Variants in RSPH10B observed in about 807,000 individuals in gnomAD.
RSPH10B encodes radial spoke head 10 homolog B (Chlamydomonas).
In RSPH10B, 7 loss-of-function variants were observed where a neutral mutation model predicts 52.5. The ratio of observed to expected loss-of-function variants is 0.13; its 90% confidence interval spans 0.08 to 0.25. The LOEUF is 0.25. Ranked by LOEUF, RSPH10B falls within the 10% of genes least tolerant of loss-of-function variation. The probability of loss-of-function intolerance (pLI) is 1.00; values close to 1 mark genes in which losing one functional copy is unlikely to be tolerated. For synonymous variants in RSPH10B, 28 were observed against 193.2 expected, an observed-to-expected ratio of 0.14 and a Z score of 7.09; for missense variants, 89 against 542.5, an observed-to-expected ratio of 0.16 and a Z score of 8.30.
intron 9 of RSPH10B, among the ~76,000 whole-genome samples, chr7:5,950,423 T>G (rs1780555135): frequency 6.7e-6 from 1 of 149,544 alleles, no homozygotes; most frequent in African/African-American, 2.4e-5. Flanking sequence ...ATACAAAATA[T>G]AGCTGGGGGT....
In RSPH10B at chr7:5,928,727, G is replaced by T. The variant is rs1443518792; in HGVS notation, c.2234-333C>A. On this transcript the variant is annotated intron_variant, in intron 17 of 18. Coordinates refer to ENST00000337579, the Ensembl canonical transcript of RSPH10B. ...GCTCACTGCAACCTCCACCTCCTGG[G>T]TTCAAGCGATTCTCATGCCTCAGCC... Among the ~76,000 whole-genome samples the T allele has an allele frequency of 1.3e-4, 20 of 150,184 alleles. No homozygotes were observed. In the East Asian group the frequency reaches 4.1e-3, roughly 31 times the overall value.
rs1228653690 is a variant in RSPH10B, at chr7:5,927,851, G to A, written c.2432+345C>T. 6.8e-5 allele frequency among the ~76,000 whole-genome samples: 10 copies of A among 146,594 alleles called. 1 individual carries two copies. Among genetic ancestry groups the A allele is most frequent in the African/African-American group, 1.5e-4 (6 of 39,344 alleles). ...CTCGGGAGGCTGAGGCAAGAGAATCGCTTGAACCCGGGAGGCGGAGGTTGC... is the reference window on the plus strand; with the variant it reads ...CTCGGGAGGCTGAGGCAAGAGAATCACTTGAACCCGGGAGGCGGAGGTTGC... On this transcript the variant is annotated intron_variant, in intron 18 of 18. Transcript: ENST00000337579.
intron 14 of RSPH10B, among the ~76,000 whole-genome samples, chr7:5,938,394 C>T (rs1480654100): frequency 1.6e-5 from 2 of 123,382 alleles, no homozygotes; most frequent in Non-Finnish European, 3.7e-5. Flanking sequence ...GGTGAAACTC[C>T]GTCTCTACTA....
intron 17 of RSPH10B, among the ~76,000 whole-genome samples, chr7:5,928,971 A>AATT (rs1779676988): frequency 6.9e-6 from 1 of 145,896 alleles, no homozygotes; most frequent in Non-Finnish European, 1.5e-5. Flanking sequence ...CTGATACTTT[A>AATT]ATTTTCCATG....
At chr7:5,931,492 A>T (rs571054965) in intron 17 of RSPH10B, among the ~76,000 whole-genome samples, 1 of 151,514 alleles carries the variant, frequency 6.6e-6, no homozygotes, top group East Asian at 1.9e-4. Context: ...TTGGGACACC[A>T]AGGCGGGAAG....
At position 5,940,037 on chromosome 7, in the gene RSPH10B, A is replaced by C. The variant is rs981004924; in HGVS notation, c.1759-1208T>G. On this transcript the variant is annotated intron_variant, in intron 13 of 18. Coordinates refer to ENST00000337579, the Ensembl canonical transcript of RSPH10B. ...TGGACAAACCGCATCTCTACTAAAA[A>C]TACAAAAAAATTAGCTGCGCATGGT... 1.6e-5 allele frequency among the ~76,000 whole-genome samples: 2 copies of C among 126,510 alleles called. 1 individual carries two copies. The highest frequency in any genetic ancestry group is 5.5e-5 in the African/African-American group (2 of 36,130). 83.0% of individuals were successfully genotyped at this position (126,510 alleles called of 152,430 possible).
chr7:5,927,829 G>C (rs1363728981), intron 18 of RSPH10B, among the ~76,000 whole-genome samples: 2 of 146,166 alleles, frequency 1.4e-5, no homozygotes, highest in Non-Finnish European at 3.0e-5. Flanking sequence ...CCAGCTGCTC[G>C]GGAGGCTGAG....
chr7:5,927,056 G>GTATA (rs1562553137), intron 18 of RSPH10B, among the ~76,000 whole-genome samples: 1 of 78,254 alleles, frequency 1.3e-5, no homozygotes, highest in East Asian at 4.9e-4. Context: ...TATTATGTGT[G>GTATA]TGTGTGTGTG....
intron 3 of RSPH10B, among the ~76,000 whole-genome samples, chr7:5,963,817 AG>A (rs1270121071): frequency 9.5e-6 from 1 of 105,372 alleles, no homozygotes; most frequent in Non-Finnish European, 2.0e-5. Context: ...TGTAATCCCC[AG>A]CACTTTGGGA....
chr7:5,943,230 T>C, intron 13 of RSPH10B, 94 bp downstream of exon 15: 2 of 1,565,232 alleles, frequency 1.3e-6, no homozygotes, highest in Non-Finnish European at 1.7e-6. Context: ...CTTCACCTGA[T>C]TATTTGCATA....
chr7:5,944,815 TAGCCAGGCATGGTGGCAC>T (rs1780405881), intron 11 of RSPH10B, among the ~76,000 whole-genome samples: 1 of 145,894 alleles, frequency 6.9e-6, no homozygotes, highest in Non-Finnish European at 1.5e-5. Flanking sequence ...AAAAAAAAAT[TAGCCAGGCATGGTGGCAC>T]ATGCCTGTCA....
intron 1 of RSPH10B, among the ~76,000 whole-genome samples, chr7:5,966,129 C>T: frequency 1.2e-5 from 1 of 81,886 alleles, no homozygotes; most frequent in Non-Finnish European, 2.5e-5. Context: ...TGGAGTTTCA[C>T]CATATTGGCC....
At chr7:5,941,834 T>A (rs1440625559) in intron 13 of RSPH10B, among the ~76,000 whole-genome samples, 1 of 145,984 alleles carries the variant, frequency 6.9e-6, no homozygotes, top group Non-Finnish European at 1.5e-5. Context: ...GTAATAACTT[T>A]TAAAAATTCC....
chr7:5,945,306 G>C (rs1327684319), intron 10 of RSPH10B, 128 bp from the exon 13 acceptor site: 1 of 438,458 alleles, frequency 2.3e-6, no homozygotes, highest in African/African-American at 2.2e-5. Flanking sequence ...ATGTGTATAA[G>C]CGTCCAACCA....
chr7:5,933,486 G>A (rs527300132), intron 16 of RSPH10B, among the ~76,000 whole-genome samples: 15 of 138,770 alleles, frequency 1.1e-4, no homozygotes, highest in Middle Eastern at 3.7e-3. Context: ...CCGGCTAGGC[G>A]TGGTGGCTCA....
intron 17 of RSPH10B, among the ~76,000 whole-genome samples, chr7:5,931,351 C>G (rs1372399042): frequency 6.6e-6 from 1 of 151,362 alleles, no homozygotes; most frequent in Admixed American, 6.7e-5. Context: ...CAGGGGAGGC[C>G]TTTGAGAGGA....
intron 6 of RSPH10B, among the ~76,000 whole-genome samples, chr7:5,956,975 A>G (rs1403084524): frequency 1.5e-4 from 11 of 71,062 alleles, no homozygotes; most frequent in African/African-American, 5.3e-4. Flanking sequence ...AGAGTTCAAG[A>G]CCAGCCTGTG....
chr7:5,947,724 C>T (rs1396093023), intron 10 of RSPH10B, among the ~76,000 whole-genome samples: 1 of 78,772 alleles, frequency 1.3e-5, no homozygotes, highest in Non-Finnish European at 2.6e-5. Flanking sequence ...TCAAAAAAAA[C>T]AAAACAAAAC....
Position 5,943,220 on chromosome 7 carries a change from C to G in RSPH10B, c.1758+104G>C. On this transcript the variant is annotated intron_variant, in intron 13 of 18. Transcript: ENST00000337579. ...ATGGTCCTGAAAATCCAGCCCAGAT[C>G]TTCACCTGATTATTTGCATATCACA... The G allele has an allele frequency of 3.8e-6, 6 of 1,558,878 alleles. 1 individual carries two copies. The highest frequency in any genetic ancestry group is 5.2e-6 in the Non-Finnish European group (6 of 1,151,902).
Sources: allele counts gnomAD v4.1 joint callset (sites outside exome capture counted in the v4.1 genomes callset), GRCh38; gene constraint gnomAD v4.1.1; transcripts MANE v1.5; gene names NCBI Gene and HGNC (gene_info 2026-07-23, HGNC 2026-07-21).